The following WDR17 variants were observed in gnomAD, a reference collection of about 807,000 sequenced individuals.
WDR17 encodes WD repeat domain 17.
WDR17 carries 143 observed loss-of-function variants against 161.7 expected under a neutral mutation model. That is an observed-to-expected ratio of 0.88 (90% CI 0.77 to 1.02). The LOEUF (loss-of-function observed/expected upper bound fraction) is 1.02, where lower values mean the gene tolerates loss of function less well. Among genes scored for constraint, WDR17 ranks in the 50% least tolerant of loss-of-function variants. The probability of loss-of-function intolerance (pLI) is 0.00; values close to 1 mark genes in which losing one functional copy is unlikely to be tolerated. For synonymous variants in WDR17, 517 were observed against 515.6 expected (o/e 1.00, Z -0.04); for missense variants, 1,469 against 1,520.9 (o/e 0.97, Z 0.57).
intron 1 of WDR17, among the ~76,000 whole-genome samples, chr4:176,076,411 T>G (rs1734035025): frequency 6.7e-6 from 1 of 148,760 alleles, no homozygotes; most frequent in Admixed American, 6.7e-5. Context: ...GTTGTTGGTT[T>G]TTTTTTTTTT....
chr4:176,136,953 C>T (rs1218403481), intron 8 of WDR17, among the ~76,000 whole-genome samples: 1 of 151,446 alleles, frequency 6.6e-6, no homozygotes, highest in Non-Finnish European at 1.5e-5. Context: ...TATTTAAATC[C>T]TTGGCCATCT....
intron 9 of WDR17, 67 bp downstream of exon 9, chr4:176,137,678 AT>A: frequency 1.0e-6 from 1 of 995,830 alleles, no homozygotes; most frequent in Non-Finnish European, 1.4e-6. Flanking sequence ...TTTTGTAAAT[AT>A]TTTTATTTCT....
chr4:176,160,305 G>A (rs146162171), intron 19 of WDR17, among the ~76,000 whole-genome samples, 179 bp downstream of exon 19: 438 of 152,126 alleles, frequency 2.9e-3, no homozygotes, highest in African/African-American at 1.0e-2. Context: ...TGGTCACAGC[G>A]CACTTATTTT....
At chr4:176,118,234 A>G (rs1165745090) in intron 3 of WDR17, among the ~76,000 whole-genome samples, 1 of 152,076 alleles carries the variant, frequency 6.6e-6, no homozygotes, top group Admixed American at 6.5e-5. Flanking sequence ...AGTGTTTTCT[A>G]TTATTATTAT....
chr4:176,076,883 T>C (rs1734114861), intron 1 of WDR17, among the ~76,000 whole-genome samples: 1 of 152,116 alleles, frequency 6.6e-6, no homozygotes, highest in South Asian at 2.1e-4. Context: ...ATTATATCAC[T>C]ATTTGATCAA....
rs114591769 is a variant in WDR17, at chr4:176,112,254, G to A, written c.123+551G>A. On this transcript the variant is annotated intron_variant, in intron 2 of 28. Coordinates refer to ENST00000508596, the MANE Select transcript of WDR17 (RefSeq NM_181265.4). ...TGACTCCCTCTTCCACTCACATCCC[G>A]TGCCCTTGGTAGCCAAGAGTGATTC... is the stretch of plus-strand genomic sequence containing the variant. Among the ~76,000 whole-genome samples, 826 of 152,128 alleles carry A rather than the reference G, an allele frequency of 5.4e-3. 13 individuals carry two copies. The highest frequency in any genetic ancestry group is 0.017 in the South Asian group (80 of 4,818).
Position 176,147,016 on chromosome 4 carries a change from G to A in WDR17, c.1694+857G>A, listed in dbSNP as rs181811916. ...CTAGTAGCTGGGACTACAGGTGTGC[G>A]CCACCACGCCCAGCTAATTTTTGTA... On this transcript the variant is annotated intron_variant, in intron 12 of 28. Transcript: ENST00000508596. Among the ~76,000 whole-genome samples the A allele has an allele frequency of 4.2e-3, 634 of 151,956 alleles. 4 individuals are homozygous for A. Among genetic ancestry groups the A allele is most frequent in the African/African-American group, 0.015 (606 of 41,446 alleles).
chr4:176,156,018 T>TA, intron 17 of WDR17, 61 bp from the exon 18 acceptor site: 8 of 1,489,774 alleles, frequency 5.4e-6, no homozygotes, highest in Non-Finnish European at 7.4e-6. Context: ...TTAAGTGTCT[T>TA]AAGAATTACA....
intron 1 of WDR17, among the ~76,000 whole-genome samples, chr4:176,089,037 C>A (rs1239054354): frequency 6.6e-6 from 1 of 152,138 alleles, no homozygotes; most frequent in African/African-American, 2.4e-5. Context: ...TACACTGTAT[C>A]TCTATGTGGA....
At chr4:176,167,524 T>C (rs1749970464) in intron 22 of WDR17, among the ~76,000 whole-genome samples, 1 of 149,860 alleles carries the variant, frequency 6.7e-6, no homozygotes, top group Non-Finnish European at 1.5e-5. Flanking sequence ...CGGGCGCCTG[T>C]AGTCCCAGCT....
chr4:176,159,998 G>T lies in WDR17; in HGVS notation c.2530G>T (p.Ala844Ser). 6.2e-7 allele frequency: 1 copy of T among 1,600,930 alleles called. No homozygotes were observed. Among genetic ancestry groups the T allele is most frequent in the African/African-American group, 1.3e-5 (1 of 74,904 alleles). Residue 844 changes from alanine (A) to serine (S), a missense_variant, in exon 19 of 29, where the codon GCT becomes TCT. By Grantham distance (99) the Ala-to-Ser change is moderately conservative. Transcript: ENST00000508596. ...KYWKKLMQRR[A>S]DQLIQEDKDD... The stretch of plus-strand genomic sequence containing the variant: ...AAACTGTCCTTATTTTATTAGGAGA[G>T]CTGACCAATTAATCCAGGAAGATAA...
chr4:176,176,819 CTCAT>C (rs10556246), intron 26 of WDR17, among the ~76,000 whole-genome samples: 99,703 of 151,564 alleles, frequency 0.66, 33,379 homozygotes, highest in South Asian at 0.75. Context: ...TATCCACTCA[CTCAT>C]TTACTCATCC....
At chr4:176,166,935 A>G (rs926639474) in intron 22 of WDR17, among the ~76,000 whole-genome samples, 2 of 152,144 alleles carry the variant, frequency 1.3e-5, no homozygotes, top group African/African-American at 4.8e-5. Context: ...TATCTAGAAA[A>G]CTATTTATTA....
intron 18 of WDR17, among the ~76,000 whole-genome samples, chr4:176,159,674 C>T (rs181407785): frequency 1.3e-5 from 2 of 152,268 alleles, no homozygotes; most frequent in African/African-American, 2.4e-5. Context: ...TCCTATCACA[C>T]GTACCTTGTA....
chr4:176,086,175 G>A (rs539212807), intron 1 of WDR17, among the ~76,000 whole-genome samples: 8 of 151,946 alleles, frequency 5.3e-5, no homozygotes, highest in East Asian at 1.9e-4. Flanking sequence ...TGATTTCAGC[G>A]TTTTAAAGTT....
At chr4:176,144,175 TG>T (rs1487894465) in intron 11 of WDR17, among the ~76,000 whole-genome samples, 1 of 152,202 alleles carries the variant, frequency 6.6e-6, no homozygotes, top group African/African-American at 2.4e-5. Flanking sequence ...GATAGATAAC[TG>T]CTATCCATCC....
intron 1 of WDR17, among the ~76,000 whole-genome samples, chr4:176,092,466 T>A (rs992169817): frequency 1.3e-5 from 2 of 152,060 alleles, no homozygotes; most frequent in Admixed American, 1.3e-4. Context: ...GCTATATACA[T>A]ACTGAATGGG....
chr4:176,088,515 T>C (rs934782395), intron 1 of WDR17, among the ~76,000 whole-genome samples: 10 of 152,234 alleles, frequency 6.6e-5, no homozygotes, highest in Admixed American at 6.5e-5. Flanking sequence ...TTGGAATGTC[T>C]GATCAAAGTA....
chr4:176,074,810 C>CTTTTTTTTTTTTTTTTTTTTTTTTTTTT (rs386357678), intron 1 of WDR17, among the ~76,000 whole-genome samples: 1 of 79,200 alleles, frequency 1.3e-5, no homozygotes, highest in Non-Finnish European at 2.3e-5. Flanking sequence ...TTTTTTAATG[C>CTTTTTTTTTTTTTTTTTTTTTTTTTTTT]TTTTTTTTTT....
Sources: gnomAD v4.1 joint callset for allele counts (sites outside exome capture counted in the v4.1 genomes callset) on GRCh38, gnomAD v4.1.1 for gene constraint, MANE v1.5 for transcripts, NCBI Gene and HGNC (gene_info 2026-07-23, HGNC 2026-07-21) for gene names.